PPP1CA: variants seen among roughly 807,000 people sequenced by gnomAD.
PPP1CA encodes protein phosphatase 1 catalytic subunit alpha, also known as serine/threonine-protein phosphatase PP1-alpha catalytic subunit.
In PPP1CA, 14 loss-of-function variants were observed where a neutral mutation model predicts 38.5. The ratio of observed to expected loss-of-function variants is 0.36; its 90% CI spans 0.24 to 0.57. The LOEUF (loss-of-function observed/expected upper bound fraction) is 0.57. Among genes scored for constraint, PPP1CA ranks in the 20% least tolerant of loss-of-function variants. The pLI, the probability that PPP1CA is intolerant of heterozygous loss-of-function variation, is 0.80. For missense variants in PPP1CA, 277 were observed against 435.2 expected (o/e 0.64, Z 3.23); for synonymous variants, 200 against 177.3 (o/e 1.13, Z -1.02).
Position 67,398,537 on chromosome 11 carries a change from A to G in PPP1CA, c.991T>C (p.Ter331GlnextTer10). The change falls in exon 7 of 7, where the codon TAG (stop) becomes CAG (glutamine). Residue 331 changes from the stop codon to glutamine, a stop_lost. Transcript: ENST00000376745. ...GGGCACAGGGTGGTGTGCGGGGGCT[A>G]TTTCTTGGCTTTGGCGGAATTGCGG... Reference protein sequence around the residue: ...PPRNSAKAKK* With the variant: ...PPRNSAKAKKQ The G allele has an allele frequency of 6.2e-7, 1 of 1,613,604 alleles. No homozygotes were observed. Among genetic ancestry groups the G allele is most frequent in the Non-Finnish European group, 8.5e-7 (1 of 1,179,722 alleles).
rs570449547 is a variant in PPP1CA at position 67,398,472 on chromosome 11, G to A, written c.*63C>T. On this transcript the variant is annotated 3_prime_UTR_variant, in exon 7 of 7. Coordinates refer to ENST00000376745, the MANE Select transcript of PPP1CA (RefSeq NM_002708.4). ...GAGGGGTCGGGGTGACCCCCCCCCA[G>A]CATGGCAGCATGATTTCTGTACAAT... 115 of 1,527,370 alleles carry A rather than the reference G, an allele frequency of 7.5e-5. No homozygotes were observed. In the South Asian group the frequency reaches 1.3e-3, roughly 17 times the overall value. The allele number at this position is 1,527,370 out of a possible 1,614,324, so 94.6% of individuals were successfully genotyped here. A position where few individuals can be genotyped will look rare whatever the true frequency, so the allele number is the denominator to read the frequency against.
Position 67,399,173 on chromosome 11 carries a change from C to T in PPP1CA, c.524-10G>A, listed in dbSNP as rs1565121178. 4.4e-6 allele frequency: 7 copies of T among 1,608,826 alleles called. No homozygotes were observed. The highest frequency in any genetic ancestry group is 1.1e-5 in the South Asian group (1 of 90,992). ...AGGTCCGGGGACAGGCCTGGGGGGC[C>T]GGGGGAAGGTCACTTCCTCAAACAA... is the stretch of plus-strand genomic sequence containing the variant. On this transcript the variant is annotated splice_polypyrimidine_tract_variant and intron_variant, in intron 4 of 6. Transcript: ENST00000376745.
At chr11:67,400,201 G>A (rs1163181598) in intron 3 of PPP1CA, among the ~76,000 whole-genome samples, 1 of 152,228 alleles carries the variant, frequency 6.6e-6, no homozygotes, top group African/African-American at 2.4e-5. Flanking sequence ...CAAGATCATA[G>A]CTCACTGTAA....
Position 67,401,197 on chromosome 11 carries a change from G to C in PPP1CA, c.58C>G (p.Gln20Glu). ...DSIIGRLLEV[Q>E]GSRPGKNVQL... ...ACATTCTTGCCAGGCCGCGAGCCCT[G>C]CACTGGGGCGCAATGGGGTGTCAGG... The change falls in exon 2 of 7, where the codon CAG becomes GAG. Residue 20 changes from glutamine to glutamate, a missense_variant and splice_region_variant. By Grantham distance (29) the Gln-to-Glu change is conservative. This residue lies in a region of PPP1CA where 44 missense variants were observed against 27.4 expected (regional missense o/e 1.60). Transcript: ENST00000376745. 1 of 1,613,784 alleles carries C rather than the reference G, an allele frequency of 6.2e-7. No individual in the cohort carries two copies. Among genetic ancestry groups the C allele is most frequent in the Non-Finnish European group, 8.5e-7 (1 of 1,179,964 alleles).
In PPP1CA at chr11:67,399,673, G is replaced by T; in HGVS notation, c.419-8C>A. On this transcript the variant is annotated splice_polypyrimidine_tract_variant and splice_region_variant and intron_variant, in intron 3 of 6. Coordinates refer to ENST00000376745, the MANE Select transcript of PPP1CA (RefSeq NM_002708.4). ...TGTTGTAGCGTCTCTTGCCTGCCCA[G>T]GGGGAGGTGGCTGTGAGGTGCCTGC... 1 of 1,608,894 alleles carries T rather than the reference G, an allele frequency of 6.2e-7. No homozygotes were observed. Among genetic ancestry groups the T allele is most frequent in the Non-Finnish European group, 8.5e-7 (1 of 1,177,108 alleles).
In PPP1CA at chr11:67,399,580, C is replaced by T; in HGVS notation, c.504G>A (p.Lys168=). The change falls in exon 4 of 7, where the codon AAG becomes AAA. Residue 168 remains lysine, a synonymous_variant. Transcript: ENST00000376745. ...CCTCACCTCCGTGGCAGCAGAAGAT[C>T]TTTTCGTCCACTATGGCCGCGATGG... ...CLPIAAIVDE[K]IFCCHGGLSP... is the part of the protein sequence containing the mutation. The T allele has an allele frequency of 6.2e-7, 1 of 1,614,112 alleles. No individual in the cohort carries two copies.
chr11:67,400,598 C>CT, intron 3 of PPP1CA, 91 bp downstream of exon 3: 3 of 1,271,964 alleles, frequency 2.4e-6, no homozygotes, highest in Non-Finnish European at 2.3e-6. Flanking sequence ...TATCAAGTGT[C>CT]TGTCAGATAT....
chr11:67,401,073 A>T lies in PPP1CA; in HGVS notation c.182T>A (p.Ile61Asn). Residue 61 changes from isoleucine (I) to asparagine (N), a missense_variant, in exon 2 of 7, where the codon ATC (isoleucine) becomes AAC (asparagine). Ile to Asn is a moderately radical substitution (Grantham distance 149). Around this residue, in one of 3 missense-constraint regions of PPP1CA, gnomAD observed 180 missense variants for 356.7 expected, o/e 0.50. Transcript: ENST00000376745. The stretch of plus-strand genomic sequence containing the variant: ...GACCTGGGCCGGGGGCTCACCGCAG[A>T]TCTTGAGGGGTGCCTCCAGCTCCAG... ...ILLELEAPLK[I>N]CGDIHGQYYD... 1 of 1,613,804 alleles carries T rather than the reference A, an allele frequency of 6.2e-7. No individual in the cohort carries two copies. Among genetic ancestry groups the T allele is most frequent in the Non-Finnish European group, 8.5e-7 (1 of 1,179,988 alleles).
chr11:67,398,863 G>A lies in PPP1CA; in HGVS notation c.748-7C>T, dbSNP rs749844151. 2.7e-5 allele frequency: 43 copies of A among 1,612,250 alleles called. No homozygotes were observed. Among genetic ancestry groups the A allele is most frequent in the Non-Finnish European group, 3.1e-5 (36 of 1,179,980 alleles). On this transcript the variant is annotated splice_polypyrimidine_tract_variant and splice_region_variant and intron_variant, in intron 5 of 6. Transcript: ENST00000376745. ...CGTAGCCGTCTTCTACCACCTGGGC[G>A]AGGATGGGAGCAGTCAGTCCCGAGC...
In PPP1CA at chr11:67,400,846, G is replaced by C; in HGVS notation, c.261C>G (p.Tyr87Ter). Reference protein sequence around the residue: ...EYGGFPPESNYLFLGDYVDRG... With the variant: ...EYGGFPPESN ...TGTCCACATAGTCCCCCAGAAAGAG[G>C]TAGTTGCTCTCGGGAGGGAAACCGC... The change falls in exon 3 of 7, where the codon TAC (tyrosine) becomes TAG (stop). Residue 87 changes from tyrosine to a stop codon, truncating the protein, a stop_gained. Transcript: ENST00000376745. LOFTEE classifies it high-confidence loss of function. 1 of 1,614,122 alleles carries C rather than the reference G, an allele frequency of 6.2e-7. No homozygotes were observed.
chr11:67,399,590 A>G lies in PPP1CA; in HGVS notation c.494T>C (p.Val165Ala). The G allele has an allele frequency of 6.2e-7, 1 of 1,614,114 alleles. No homozygotes were observed. Among genetic ancestry groups the G allele is most frequent in the Non-Finnish European group, 8.5e-7 (1 of 1,179,996 alleles). The change falls in exon 4 of 7, where the codon GTG (valine) becomes GCG (alanine). Residue 165 changes from valine (V) to alanine (A), a missense_variant. By Grantham distance (64) the Val-to-Ala change is moderately conservative (BLOSUM62 0). Around this residue, in one of 3 missense-constraint regions of PPP1CA, gnomAD observed 180 missense variants for 356.7 expected, o/e 0.50. Coordinates refer to ENST00000376745, the MANE Select transcript of PPP1CA (RefSeq NM_002708.4). ...CFNCLPIAAIVDEKIFCCHGG... is the reference protein window; with the variant it reads ...CFNCLPIAAIADEKIFCCHGG... ...GTGGCAGCAGAAGATCTTTTCGTCC[A>G]CTATGGCCGCGATGGGCAGGCAGTT...
Position 67,400,846 on chromosome 11 carries a change from G to A in PPP1CA, c.261C>T (p.Tyr87=), listed in dbSNP as rs762217934. The change falls in exon 3 of 7, where the codon TAC becomes TAT. Residue 87 remains tyrosine (Y), a synonymous_variant. Coordinates refer to ENST00000376745, the MANE Select transcript of PPP1CA (RefSeq NM_002708.4). ...EYGGFPPESN[Y]LFLGDYVDRG... ...TGTCCACATAGTCCCCCAGAAAGAG[G>A]TAGTTGCTCTCGGGAGGGAAACCGC... 6.2e-7 allele frequency: 1 copy of A among 1,614,122 alleles called. No individual in the cohort carries two copies. The highest frequency in any genetic ancestry group is 8.5e-7 in the Non-Finnish European group (1 of 1,180,026).
chr11:67,399,327 T>G (rs1862828224), intron 4 of PPP1CA, among the ~76,000 whole-genome samples, 164 bp from the exon 5 acceptor site: 1 of 152,122 alleles, frequency 6.6e-6, no homozygotes, highest in Non-Finnish European at 1.5e-5. Flanking sequence ...CTTTTTCAAG[T>G]TCCCAAACAG....
At position 67,399,724 on chromosome 11, in the gene PPP1CA, T is replaced by G. The variant is rs1590936374; in HGVS notation, c.419-59A>C. On this transcript the variant is annotated intron_variant, in intron 3 of 6. Transcript: ENST00000376745. ...CTACCCCACCCTCAGCCAGGGTCCCTGGGCTATTCAGCCGTGGCTGGGAGG... is the reference window on the plus strand; with the variant it reads ...CTACCCCACCCTCAGCCAGGGTCCCGGGGCTATTCAGCCGTGGCTGGGAGG... The G allele has an allele frequency of 1.3e-5, 18 of 1,414,334 alleles. No homozygotes were observed. In the South Asian group the frequency reaches 2.0e-4, roughly 16 times the overall value. The allele number at this position is 1,414,334 out of a possible 1,614,324, so 87.6% of individuals were successfully genotyped here.
Position 67,401,809 on chromosome 11 carries a change from G to A in PPP1CA, c.-27C>T, listed in dbSNP as rs772980028. On this transcript the variant is annotated 5_prime_UTR_variant, in exon 1 of 7. Transcript: ENST00000376745. ...GCGGCGCCGCCGCTCCAGCCCAGCA[G>A]CTCCTGGCCCGCTCCTGCCTCCCGC... 2 of 1,424,418 alleles carry A rather than the reference G, an allele frequency of 1.4e-6. No individual in the cohort carries two copies. The highest frequency in any genetic ancestry group is 2.9e-5 in the African/African-American group (2 of 67,896). 88.2% of individuals were successfully genotyped at this position (1,424,418 alleles called of 1,614,324 possible).
chr11:67,398,788 G>A lies in PPP1CA; in HGVS notation c.816C>T (p.Tyr272=), dbSNP rs751169476. 2.1e-5 allele frequency: 34 copies of A among 1,613,924 alleles called. No homozygotes were observed. In the South Asian group the frequency reaches 3.4e-4, roughly 16 times the overall value. The change falls in exon 6 of 7, where the codon TAC becomes TAT. Residue 272 remains tyrosine, a synonymous_variant. Transcript: ENST00000376745. Reference sequence around the variant, plus strand: ...CGCCAGCATTGTCAAACTCGCCACAGTAGTTGGGAGCTGAGAAAAGTGTCA... The same window carrying A: ...CGCCAGCATTGTCAAACTCGCCACAATAGTTGGGAGCTGAGAAAAGTGTCA... ...QLVTLFSAPN[Y]CGEFDNAGAM...
chr11:67,401,302 CCCCTCCTTG>C lies in PPP1CA; in HGVS notation c.56-112_56-104del, dbSNP rs1486291201. 8 of 1,552,702 alleles carry C rather than the reference CCCCTCCTTG, an allele frequency of 5.2e-6. No individual in the cohort carries two copies. In the Admixed American group the frequency reaches 1.2e-4, roughly 24 times the overall value. Reference sequence around the variant, plus strand: ...TCCGGGGGCGCCTAGGCCTCCTCGGCCCCTCCTTGCCCACAGGCAGCTGTTGCTGCTGAG... The same window carrying C: ...TCCGGGGGCGCCTAGGCCTCCTCGGCCCCACAGGCAGCTGTTGCTGCTGAG... On this transcript the variant is annotated intron_variant, in intron 1 of 6. Coordinates refer to ENST00000376745, the MANE Select transcript of PPP1CA (RefSeq NM_002708.4).
Position 67,398,476 on chromosome 11 carries a change from G to A in PPP1CA, c.*59C>T. 1.9e-6 allele frequency: 3 copies of A among 1,542,688 alleles called. No individual in the cohort carries two copies. In the South Asian group the frequency reaches 3.5e-5, roughly 18 times the overall value. The stretch of plus-strand genomic sequence containing the variant: ...GGTCGGGGTGACCCCCCCCCAGCAT[G>A]GCAGCATGATTTCTGTACAATCAAT... On this transcript the variant is annotated 3_prime_UTR_variant, in exon 7 of 7. Coordinates refer to ENST00000376745, the MANE Select transcript of PPP1CA (RefSeq NM_002708.4).
Position 67,399,610 on chromosome 11 carries a change from G to A in PPP1CA, c.474C>T (p.Cys158=), listed in dbSNP as rs1862834600. ...CGTCCACTATGGCCGCGATGGGCAG[G>A]CAGTTGAAGCAGTCAGTGAAGGTTT... ...LWKTFTDCFN[C]LPIAAIVDEK... Residue 158 remains cysteine, a synonymous_variant, in exon 4 of 7, where the codon TGC becomes TGT. Transcript: ENST00000376745. 3 of 1,614,162 alleles carry A rather than the reference G, an allele frequency of 1.9e-6. No individual in the cohort carries two copies. Among genetic ancestry groups the A allele is most frequent in the South Asian group, 2.2e-5 (2 of 91,088 alleles).
Sources: allele counts gnomAD v4.1 joint callset (sites outside exome capture counted in the v4.1 genomes callset), GRCh38; gene constraint gnomAD v4.1.1; regional missense constraint gnomAD v4.1.1; transcripts MANE v1.5; gene names NCBI Gene and HGNC (gene_info 2026-07-23, HGNC 2026-07-21).